PDCD10: variants seen among roughly 807,000 people sequenced by gnomAD.
PDCD10 encodes programmed cell death 10, also known as programmed cell death protein 10.
Under a neutral mutation model 29.2 loss-of-function variants are expected in PDCD10, and 4 were observed. The ratio of observed to expected loss-of-function variants is 0.14; its 90% CI spans 0.07 to 0.31. The LOEUF is 0.31. Among genes scored for constraint, PDCD10 ranks in the 10% least tolerant of loss-of-function variants. The pLI, the probability that PDCD10 is intolerant of heterozygous loss-of-function variation, is 1.00. For missense variants in PDCD10, 183 were observed against 257.9 expected (o/e 0.71, Z 1.99); for synonymous variants, 70 against 82.2 (o/e 0.85, Z 0.80).
intron 3 of PDCD10, among the ~76,000 whole-genome samples, chr3:167,708,268 TAAA>T (rs763619506): frequency 7.2e-6 from 1 of 138,286 alleles, no homozygotes; most frequent in African/African-American, 2.7e-5. Context: ...AAACCATAAT[TAAA>T]AAAAAAAAAA....
chr3:167,712,898 GGATAT>G (rs1722661480), intron 3 of PDCD10, among the ~76,000 whole-genome samples: 3 of 151,928 alleles, frequency 2.0e-5, no homozygotes, highest in Non-Finnish European at 2.9e-5. Flanking sequence ...TTCAGTAAGA[GGATAT>G]GATAATTGTA....
At chr3:167,726,127 T>G (rs950712266) in intron 2 of PDCD10, among the ~76,000 whole-genome samples, 6 of 143,030 alleles carry the variant, frequency 4.2e-5, no homozygotes, top group Non-Finnish European at 9.2e-5. Flanking sequence ...TTTTTTTTTT[T>G]TTTTTTTTTT....
At position 167,684,002 on chromosome 3, in the gene PDCD10, C is replaced by A; in HGVS notation, c.*306G>T. 1 of 267,310 alleles carries A rather than the reference C, an allele frequency of 3.7e-6. No individual in the cohort carries two copies. The highest frequency in any genetic ancestry group is 7.4e-6 in the Non-Finnish European group (1 of 135,348). 16.6% of individuals were successfully genotyped at this position (267,310 alleles called of 1,614,324 possible). ...CGCTTTCAAGTTAAAATGTCAGAAA[C>A]AAACACCAATATTTACAATTCTTTT... is the stretch of plus-strand genomic sequence containing the variant. On this transcript the variant is annotated 3_prime_UTR_variant, in exon 9 of 9. Coordinates refer to ENST00000392750, the MANE Select transcript of PDCD10 (RefSeq NM_007217.4).
chr3:167,699,719 C>A (rs1721176652), intron 4 of PDCD10, among the ~76,000 whole-genome samples: 1 of 152,182 alleles, frequency 6.6e-6, no homozygotes, highest in Non-Finnish European at 1.5e-5. Flanking sequence ...GGAAGACGGA[C>A]AACCTATCGG....
chr3:167,720,380 A>AT (rs1723449399), intron 2 of PDCD10, 107 bp from the exon 3 acceptor site: 2 of 500,162 alleles, frequency 4.0e-6, no homozygotes, highest in African/African-American at 1.9e-5. Flanking sequence ...ATGAAAAGCT[A>AT]TTTTTTAATA....
chr3:167,708,709 A>T (rs1485479297), intron 3 of PDCD10, among the ~76,000 whole-genome samples: 1 of 152,214 alleles, frequency 6.6e-6, no homozygotes, highest in Non-Finnish European at 1.5e-5. Context: ...AGTTCAACGC[A>T]TGCTTCTAAA....
chr3:167,718,584 A>G (rs563517679), intron 3 of PDCD10, among the ~76,000 whole-genome samples: 1 of 152,120 alleles, frequency 6.6e-6, no homozygotes, highest in Non-Finnish European at 1.5e-5. Context: ...CGTCATTAGA[A>G]TTAAGTTCTT....
chr3:167,684,213 G>A lies in PDCD10; in HGVS notation c.*95C>T, dbSNP rs1384169808. 1.1e-5 allele frequency: 8 copies of A among 751,120 alleles called. No homozygotes were observed. In the South Asian group the frequency reaches 1.1e-4, roughly 10 times the overall value. 46.5% of individuals were successfully genotyped at this position (751,120 alleles called of 1,614,324 possible). A position where few individuals can be genotyped will look rare whatever the true frequency, so the allele number is the denominator to read the frequency against. ...CATCCTGGATTAGATCCCTTCAGGA[G>A]GGACTGATAATTTATACAGTCAAAC... is the stretch of plus-strand genomic sequence containing the variant. On this transcript the variant is annotated 3_prime_UTR_variant, in exon 9 of 9. Coordinates refer to ENST00000392750, the MANE Select transcript of PDCD10 (RefSeq NM_007217.4).
At chr3:167,718,136 C>T (rs1723194926) in intron 3 of PDCD10, among the ~76,000 whole-genome samples, 1 of 151,994 alleles carries the variant, frequency 6.6e-6, no homozygotes, top group African/African-American at 2.4e-5. Flanking sequence ...AAATTGTTAC[C>T]AAGATAGGTT....
At chr3:167,725,773 A>T (rs1424499831) in intron 2 of PDCD10, among the ~76,000 whole-genome samples, 1 of 33,452 alleles carries the variant, frequency 3.0e-5, no homozygotes, top group South Asian at 7.8e-4. Flanking sequence ...TTATATATAT[A>T]TATATATATA....
intron 6 of PDCD10, among the ~76,000 whole-genome samples, chr3:167,693,291 T>C (rs537641314): frequency 1.6e-4 from 25 of 152,368 alleles, no homozygotes; most frequent in Non-Finnish European, 3.5e-4. Flanking sequence ...TTTCAACTTG[T>C]ACATAATTCT....
intron 4 of PDCD10, among the ~76,000 whole-genome samples, chr3:167,702,258 A>AC (rs1721519579): frequency 6.6e-6 from 1 of 152,104 alleles, no homozygotes; most frequent in Non-Finnish European, 1.5e-5. Flanking sequence ...AGCAAGACCA[A>AC]CCCCTTCTCT....
chr3:167,706,866 C>G (rs1444110158), intron 3 of PDCD10, among the ~76,000 whole-genome samples: 2 of 152,142 alleles, frequency 1.3e-5, no homozygotes, highest in Admixed American at 6.5e-5. Context: ...ATAATTTCAG[C>G]CTGTACTAGT....
intron 2 of PDCD10, among the ~76,000 whole-genome samples, chr3:167,730,243 C>T (rs1189604196): frequency 2.0e-5 from 3 of 152,044 alleles, no homozygotes; most frequent in Admixed American, 6.5e-5. Context: ...AAGCATAACC[C>T]TCTAACACTG....
At chr3:167,705,633 G>A (rs576835736) in intron 3 of PDCD10, among the ~76,000 whole-genome samples, 53 of 152,158 alleles carry the variant, frequency 3.5e-4, no homozygotes, top group Non-Finnish European at 6.2e-4. Flanking sequence ...AAAAGCAACA[G>A]AATCTGACAA....
chr3:167,707,573 C>T (rs1372311490), intron 3 of PDCD10, among the ~76,000 whole-genome samples: 2 of 152,022 alleles, frequency 1.3e-5, no homozygotes, highest in African/African-American at 4.8e-5. Context: ...CCCAGCTACT[C>T]GGGAGGCTGA....
chr3:167,704,084 C>T (rs903552572), intron 4 of PDCD10, among the ~76,000 whole-genome samples: 3 of 152,166 alleles, frequency 2.0e-5, no homozygotes, highest in African/African-American at 7.2e-5. Context: ...TTTTGAGTAA[C>T]TTAACTGTAT....
chr3:167,721,619 G>A (rs1416397958), intron 2 of PDCD10, among the ~76,000 whole-genome samples: 3 of 152,192 alleles, frequency 2.0e-5, no homozygotes, highest in Admixed American at 6.5e-5. Flanking sequence ...TTGGAAAGCT[G>A]CTTAGTATTC....
intron 2 of PDCD10, among the ~76,000 whole-genome samples, chr3:167,732,846 G>A (rs1017541717): frequency 2.0e-5 from 3 of 152,144 alleles, no homozygotes; most frequent in Non-Finnish European, 4.4e-5. Context: ...ACTGACTCAT[G>A]TTCAGTTTAC....
Sources: gnomAD v4.1 joint callset for allele counts (sites outside exome capture counted in the v4.1 genomes callset) on GRCh38, gnomAD v4.1.1 for gene constraint, MANE v1.5 for transcripts, NCBI Gene and HGNC (gene_info 2026-07-23, HGNC 2026-07-21) for gene names.